BTBD9: variants seen among roughly 807,000 people sequenced by gnomAD.
The protein encoded by BTBD9 is BTB/POZ domain-containing protein 9.
A neutral mutation model predicts 64.3 loss-of-function variants in BTBD9; 49 were observed. The observed-to-expected ratio is 0.76, with a 90% CI of 0.61 to 0.97. The LOEUF is 0.97. Among genes scored for constraint, BTBD9 ranks in the 50% least tolerant of loss-of-function variants. The pLI is 0.00. For missense variants in BTBD9, 598 were observed against 762.1 expected (o/e 0.78, Z 2.53); for synonymous variants, 260 against 274.7 (o/e 0.95, Z 0.53).
chr6:38,218,083 GTGTAGT>G (rs565895335), intron 9 of BTBD9, among the ~76,000 whole-genome samples: 76 of 152,138 alleles, frequency 5.0e-4, no homozygotes, highest in Non-Finnish European at 1.0e-3. Flanking sequence ...CGTTCTGGTT[GTGTAGT>G]TGGGTCCTAG....
At chr6:38,465,707 T>TTTTATA (rs1770326366) in intron 6 of BTBD9, among the ~76,000 whole-genome samples, 1 of 46,860 alleles carries the variant, frequency 2.1e-5, no homozygotes, top group Non-Finnish European at 3.9e-5. Flanking sequence ...AATAAATAAA[T>TTTTATA]TATATATATA....
At chr6:38,232,620 ATTTAT>A (rs1430888786) in intron 9 of BTBD9, among the ~76,000 whole-genome samples, 2 of 149,836 alleles carry the variant, frequency 1.3e-5, no homozygotes, top group East Asian at 2.0e-4. Context: ...GTTCACTTTT[ATTTAT>A]TTTATTTTAT....
Position 38,176,904 on chromosome 6 carries a change from G to A in BTBD9, c.1642-1722C>T, listed in dbSNP as rs147770919. On this transcript the variant is annotated intron_variant, in intron 10 of 10. Transcript: ENST00000481247. The stretch of plus-strand genomic sequence containing the variant: ...AGGGATAGGTGAGGTCAGGCTCTGC[G>A]GGGCCAGGACACGCCTTGAGAGTGC... Among the ~76,000 whole-genome samples, 601 of 152,292 alleles carry A rather than the reference G, an allele frequency of 3.9e-3. 3 individuals are homozygous for A. Among genetic ancestry groups the A allele is most frequent in the Non-Finnish European group, 6.3e-3 (428 of 68,008 alleles).
chr6:38,631,796 T>C (rs1303792376), intron 1 of BTBD9, among the ~76,000 whole-genome samples: 1 of 152,174 alleles, frequency 6.6e-6, no homozygotes, highest in Non-Finnish European at 1.5e-5. Context: ...GCTACGCTGG[T>C]TCTGAATTCC....
intron 6 of BTBD9, among the ~76,000 whole-genome samples, chr6:38,426,343 G>A (rs1019486059): frequency 1.6e-4 from 24 of 152,048 alleles, no homozygotes; most frequent in African/African-American, 5.8e-4. Flanking sequence ...CTGACAGCAC[G>A]GCGGGAGGGA....
At chr6:38,630,251 A>T (rs1778317468) in intron 1 of BTBD9, among the ~76,000 whole-genome samples, 1 of 151,672 alleles carries the variant, frequency 6.6e-6, no homozygotes. Context: ...AACTGAATGC[A>T]CCACATGGCT....
chr6:38,219,283 C>T (rs867451597), intron 9 of BTBD9, among the ~76,000 whole-genome samples: 3 of 148,368 alleles, frequency 2.0e-5, no homozygotes, highest in African/African-American at 5.0e-5. Flanking sequence ...TACAGGTGTG[C>T]GCCACCACAC....
intron 6 of BTBD9, among the ~76,000 whole-genome samples, chr6:38,455,058 A>T (rs553530659): frequency 2.0e-5 from 3 of 152,228 alleles, no homozygotes; most frequent in African/African-American, 7.2e-5. Context: ...CAAACAAAAT[A>T]AATAAATAAA....
chr6:38,516,084 A>G (rs995622719), intron 6 of BTBD9, among the ~76,000 whole-genome samples: 2 of 152,206 alleles, frequency 1.3e-5, no homozygotes, highest in Non-Finnish European at 2.9e-5. Flanking sequence ...ATTCTAGCTC[A>G]TAAGTAGAGC....
At chr6:38,614,651 G>A (rs1777728610) in intron 1 of BTBD9, among the ~76,000 whole-genome samples, 1 of 152,204 alleles carries the variant, frequency 6.6e-6, no homozygotes, top group Admixed American at 6.5e-5. Flanking sequence ...AAGCCAGAAA[G>A]ACACTGCCTT....
At chr6:38,477,360 C>T (rs543103174) in intron 6 of BTBD9, among the ~76,000 whole-genome samples, 1 of 152,166 alleles carries the variant, frequency 6.6e-6, no homozygotes, top group Non-Finnish European at 1.5e-5. Flanking sequence ...GCTGTAACAT[C>T]GAAATACAAT....
chr6:38,184,288 G>A lies in BTBD9; in HGVS notation c.1641+8231C>T, dbSNP rs906698861. On this transcript the variant is annotated intron_variant, in intron 10 of 10. Transcript: ENST00000481247. This position sits in a 1 kb window ranked among gnomAD's most constrained non-coding sequence, Gnocchi z 4.4. ...CCCGCTGGGCTTGACTATCCCGGCT[G>A]TCCCTGCACTGCCTCCTCTCTGGCC... Among the ~76,000 whole-genome samples, 2 of 152,200 alleles carry A rather than the reference G, an allele frequency of 1.3e-5. No individual in the cohort carries two copies. The highest frequency in any genetic ancestry group is 6.5e-5 in the Admixed American group (1 of 15,278).
intron 6 of BTBD9, among the ~76,000 whole-genome samples, chr6:38,437,746 G>A (rs761176107): frequency 5.9e-5 from 9 of 152,174 alleles, no homozygotes; most frequent in Non-Finnish European, 1.2e-4. Context: ...AGATTATACT[G>A]AAATGTTCAA....
intron 6 of BTBD9, among the ~76,000 whole-genome samples, chr6:38,501,985 T>A (rs1772222677): frequency 1.3e-5 from 2 of 152,148 alleles, no homozygotes; most frequent in Non-Finnish European, 2.9e-5. Flanking sequence ...TTTAAGAGAA[T>A]AAAGGGCTCC....
chr6:38,381,441 T>G lies in BTBD9; in HGVS notation c.1155-36348A>C, dbSNP rs1176799079. Among the ~76,000 whole-genome samples the G allele has an allele frequency of 2.6e-5, 4 of 152,296 alleles. No homozygotes were observed. In the East Asian group the frequency reaches 7.7e-4, roughly 29 times the overall value. ...ATTCTAAGTGCATATGCAGCTAATA[T>G]AGTTTCAAAATATACTAAGCAAAAA... On this transcript the variant is annotated intron_variant, in intron 6 of 10. Coordinates refer to ENST00000481247, the MANE Select transcript of BTBD9 (RefSeq NM_001099272.2).
At chr6:38,570,097 C>T (rs1453510591) in intron 6 of BTBD9, among the ~76,000 whole-genome samples, 1 of 152,128 alleles carries the variant, frequency 6.6e-6, no homozygotes, top group African/African-American at 2.4e-5. Flanking sequence ...GATTGCTGCA[C>T]TCCCTTTGGA....
intron 9 of BTBD9, among the ~76,000 whole-genome samples, chr6:38,255,424 G>T (rs530005238): frequency 6.6e-6 from 1 of 152,276 alleles, no homozygotes; most frequent in African/African-American, 2.4e-5. Flanking sequence ...TATGGTATGT[G>T]AATTATATAT....
chr6:38,550,151 C>G (rs1774731795), intron 6 of BTBD9, among the ~76,000 whole-genome samples: 1 of 152,064 alleles, frequency 6.6e-6, no homozygotes, highest in African/African-American at 2.4e-5. Flanking sequence ...ACATCTCTAC[C>G]TAGACATCTA....
At chr6:38,630,396 A>T (rs1223694666) in intron 1 of BTBD9, among the ~76,000 whole-genome samples, 2 of 152,232 alleles carry the variant, frequency 1.3e-5, no homozygotes, top group East Asian at 3.9e-4. Context: ...AGCTACAACG[A>T]TAGTATTTAA....
Sources: allele counts gnomAD v4.1 joint callset (sites outside exome capture counted in the v4.1 genomes callset), GRCh38; gene constraint gnomAD v4.1.1; non-coding constraint Gnocchi (gnomAD v3.1); transcripts MANE v1.5; gene names NCBI Gene and HGNC (gene_info 2026-07-23, HGNC 2026-07-21).